The following NUDT21 variants were observed in gnomAD, a reference collection of about 807,000 sequenced individuals.
NUDT21 encodes nudix hydrolase 21, also known as cleavage and polyadenylation specificity factor subunit 5.
Under a neutral mutation model 29.8 loss-of-function variants are expected in NUDT21, and 5 were observed. The ratio of observed to expected loss-of-function variants is 0.17; its 90% CI spans 0.09 to 0.35. The LOEUF (loss-of-function observed/expected upper bound fraction) is 0.35, where lower values mean the gene tolerates loss of function less well. NUDT21 is among the 10% of genes least tolerant of loss of function. The pLI is 1.00. For synonymous variants in NUDT21, 113 were observed against 98.5 expected, an observed-to-expected ratio of 1.15 and a Z score of -0.87; for missense variants, 76 against 276.0, an observed-to-expected ratio of 0.28 and a Z score of 5.13.
intron 2 of NUDT21, chr16:56,447,078 T>A (rs1962228202): frequency 1.2e-5 from 2 of 170,212 alleles, no homozygotes; most frequent in Non-Finnish European, 1.2e-5. Context: ...CCTCCCCACC[T>A]TTGGAGTATA....
Position 56,451,179 on chromosome 16 carries a change from G to A in NUDT21, c.24C>T (p.Arg8=). Reference sequence around the variant, plus strand: ...CCCCCCGGGGCCAGCCGGTCTGCGAGCGATTGGGCGGTACCACAGACATGC... The same window carrying A: ...CCCCCCGGGGCCAGCCGGTCTGCGAACGATTGGGCGGTACCACAGACATGC... The part of the protein sequence containing the change: MSVVPPN[R]SQTGWPRGVT... The change falls in exon 1 of 7, where the codon CGC becomes CGT. Residue 8 remains arginine (R), a synonymous_variant. Coordinates refer to ENST00000300291, the MANE Select transcript of NUDT21 (RefSeq NM_007006.3). 1 of 1,611,828 alleles carries A rather than the reference G, an allele frequency of 6.2e-7. No individual in the cohort carries two copies. The highest frequency in any genetic ancestry group is 8.5e-7 in the Non-Finnish European group (1 of 1,178,992).
intron 3 of NUDT21, among the ~76,000 whole-genome samples, chr16:56,443,175 T>G (rs1316218519): frequency 6.6e-6 from 1 of 152,072 alleles, no homozygotes; most frequent in Non-Finnish European, 1.5e-5. Flanking sequence ...CTACAATATT[T>G]TTTTTTCTTT....
intron 6 of NUDT21, among the ~76,000 whole-genome samples, chr16:56,433,711 G>A (rs1027153560): frequency 1.3e-5 from 2 of 151,688 alleles, no homozygotes; most frequent in African/African-American, 4.8e-5. Context: ...TTTTTTAGAT[G>A]GAGTCTCACT....
At chr16:56,450,234 A>T (rs1390472094) in intron 1 of NUDT21, among the ~76,000 whole-genome samples, 1 of 152,182 alleles carries the variant, frequency 6.6e-6, no homozygotes, top group East Asian at 1.9e-4. Flanking sequence ...ATCCTCAGAA[A>T]CGATTTTAAA....
At chr16:56,435,069 A>G (rs1962080824) in intron 4 of NUDT21, 1 of 319,174 alleles carries the variant, frequency 3.1e-6, no homozygotes, top group South Asian at 1.1e-4. Context: ...AGCTTGAGAT[A>G]CTTAAAACAT....
intron 3 of NUDT21, among the ~76,000 whole-genome samples, chr16:56,443,878 A>G (rs1962186240): frequency 6.6e-6 from 1 of 152,240 alleles, no homozygotes; most frequent in African/African-American, 2.4e-5. Flanking sequence ...AGCCTCAGGT[A>G]TTCTGTTATA....
At chr16:56,445,780 C>G (rs1354650673) in intron 3 of NUDT21, among the ~76,000 whole-genome samples, 1 of 152,206 alleles carries the variant, frequency 6.6e-6, no homozygotes, top group Non-Finnish European at 1.5e-5. Flanking sequence ...GTGATTCTCT[C>G]ATTTTGCACT....
At position 56,431,577 on chromosome 16, in the gene NUDT21, CA is replaced by C. The variant is rs1962034000; in HGVS notation, c.*1134del. 6.6e-6 allele frequency: 1 copy of C among 152,064 alleles called. No individual in the cohort carries two copies. The highest frequency in any genetic ancestry group is 1.9e-4 in the East Asian group (1 of 5,192). The allele number at this position is 152,064 out of a possible 1,614,324, so 9.4% of individuals were successfully genotyped here. ...TTTTTCCTTAAGTAGCTACATCTGG[CA>C]AGATTCCTTTTTACATTAAGCCTAT... On this transcript the variant is annotated 3_prime_UTR_variant, in exon 7 of 7. Transcript: ENST00000300291.
At chr16:56,434,128 C>G (rs1186492146) in intron 6 of NUDT21, among the ~76,000 whole-genome samples, 1 of 152,166 alleles carries the variant, frequency 6.6e-6, no homozygotes, top group Admixed American at 6.5e-5. Context: ...GCACAAATAC[C>G]AGAATGTCAT....
At chr16:56,441,339 C>A (rs1746027671) in intron 3 of NUDT21, among the ~76,000 whole-genome samples, 1 of 152,096 alleles carries the variant, frequency 6.6e-6, no homozygotes, top group Non-Finnish European at 1.5e-5. Context: ...CAGGTCCAAG[C>A]GACTCCCCTG....
At chr16:56,440,390 C>T (rs544068752) in intron 3 of NUDT21, among the ~76,000 whole-genome samples, 6 of 152,302 alleles carry the variant, frequency 3.9e-5, no homozygotes, top group African/African-American at 1.4e-4. Flanking sequence ...TTCAGATATC[C>T]ATAGTCTTTA....
chr16:56,438,396 A>G (rs1433575555), intron 4 of NUDT21, among the ~76,000 whole-genome samples: 1 of 152,208 alleles, frequency 6.6e-6, no homozygotes, highest in Non-Finnish European at 1.5e-5. Context: ...GCAAAGCTTT[A>G]GTCTAACAGC....
In NUDT21 at chr16:56,429,833, T is replaced by G. The variant is rs1567536408; in HGVS notation, c.*2879A>C. ...TATGAACTAGTAAAAACATTAAGTT[T>G]GAGGATGGAAAAGCTACCCCAAGCA... On this transcript the variant is annotated 3_prime_UTR_variant, in exon 7 of 7. Coordinates refer to ENST00000300291, the MANE Select transcript of NUDT21 (RefSeq NM_007006.3). The G allele has an allele frequency of 6.6e-6, 1 of 152,194 alleles. No individual in the cohort carries two copies. The highest frequency in any genetic ancestry group is 1.5e-5 in the Non-Finnish European group (1 of 68,016). 9.4% of individuals were successfully genotyped at this position (152,194 alleles called of 1,614,324 possible).
chr16:56,430,835 G>C lies in NUDT21; in HGVS notation c.*1877C>G, dbSNP rs1184788054. 2 of 152,184 alleles carry C rather than the reference G, an allele frequency of 1.3e-5. No homozygotes were observed. Among genetic ancestry groups the C allele is most frequent in the African/African-American group, 4.8e-5 (2 of 41,444 alleles). 9.4% of individuals were successfully genotyped at this position (152,184 alleles called of 1,614,324 possible). A position where few individuals can be genotyped will look rare whatever the true frequency, so the allele number is the denominator to read the frequency against. ...TGAATCAAAGGTTTTTCTCAACTAG[G>C]CCTTAGTGTATGGATGACTGGCTCA... On this transcript the variant is annotated 3_prime_UTR_variant, in exon 7 of 7. Coordinates refer to ENST00000300291, the MANE Select transcript of NUDT21 (RefSeq NM_007006.3).
intron 6 of NUDT21, among the ~76,000 whole-genome samples, chr16:56,433,665 A>G (rs1407792438): frequency 1.3e-5 from 2 of 152,204 alleles, no homozygotes; most frequent in East Asian, 3.8e-4. Flanking sequence ...CGAATATATT[A>G]CACCAAGATA....
Position 56,432,042 on chromosome 16 carries a change from ACT to A in NUDT21, c.*668_*669del, listed in dbSNP as rs1962040285. The A allele has an allele frequency of 6.6e-6, 1 of 152,106 alleles. No homozygotes were observed. The highest frequency in any genetic ancestry group is 1.5e-5 in the Non-Finnish European group (1 of 68,022). The allele number at this position is 152,106 out of a possible 1,614,324, so 9.4% of individuals were successfully genotyped here. On this transcript the variant is annotated 3_prime_UTR_variant, in exon 7 of 7. Transcript: ENST00000300291. Reference sequence around the variant, plus strand: ...TTAATACCCCCATTATGTGAAGAAAACTCTGAGCTCTAAATGAGTCTCTTCTT... The same window carrying A: ...TTAATACCCCCATTATGTGAAGAAAACTGAGCTCTAAATGAGTCTCTTCTT...
chr16:56,433,040 C>G (rs1248423131), intron 6 of NUDT21, among the ~76,000 whole-genome samples: 2 of 152,160 alleles, frequency 1.3e-5, no homozygotes, highest in Admixed American at 1.3e-4. Context: ...TCCTTATACT[C>G]TGACTACTCA....
chr16:56,443,515 G>T (rs947585341), intron 3 of NUDT21, among the ~76,000 whole-genome samples: 21 of 152,080 alleles, frequency 1.4e-4, no homozygotes, highest in Admixed American at 3.9e-4. Context: ...GCTTTGGTTT[G>T]GATATGGTTT....
intron 6 of NUDT21, 31 bp downstream of exon 6, chr16:56,434,300 G>T: frequency 2.8e-6 from 4 of 1,429,064 alleles, no homozygotes; most frequent in Non-Finnish European, 2.0e-6. Context: ...AGTTAATATG[G>T]ATGAACCAAA....
Sources: gnomAD v4.1 joint callset for allele counts (sites outside exome capture counted in the v4.1 genomes callset) on GRCh38, gnomAD v4.1.1 for gene constraint, MANE v1.5 for transcripts, NCBI Gene and HGNC (gene_info 2026-07-23, HGNC 2026-07-21) for gene names.